The following EPCAM variants were observed in gnomAD, a reference collection of about 807,000 sequenced individuals.
The protein encoded by EPCAM is epithelial cell adhesion molecule, also known as adenocarcinoma-associated antigen.
In EPCAM, 39 loss-of-function variants were observed where a neutral mutation model predicts 40.0. The ratio of observed to expected loss-of-function variants is 0.98; its 90% CI spans 0.76 to 1.27. EPCAM has a LOEUF of 1.27. Ranked by LOEUF, EPCAM falls within the 50% of genes most tolerant of loss-of-function variation. The pLI is 0.00. For synonymous variants in EPCAM, 168 were observed against 132.3 expected (o/e 1.27, Z -1.85); for missense variants, 503 against 381.2 (o/e 1.32, Z -2.66).
chr2:47,381,323 G>C (rs1671582803), intron 7 of EPCAM, among the ~76,000 whole-genome samples: 1 of 149,952 alleles, frequency 6.7e-6, no homozygotes, highest in Non-Finnish European at 1.5e-5. Context: ...TTGAACCCAG[G>C]AGGTGGAGGT....
chr2:47,378,047 A>C (rs1671473498), intron 5 of EPCAM, among the ~76,000 whole-genome samples: 6 of 152,008 alleles, frequency 3.9e-5, no homozygotes, highest in Admixed American at 3.9e-4. Context: ...CGTGGCTAAC[A>C]CAGTGAAACC....
At chr2:47,373,208 A>AT (rs1671322726) in intron 1 of EPCAM, among the ~76,000 whole-genome samples, 9 of 132,548 alleles carry the variant, frequency 6.8e-5, no homozygotes, top group Non-Finnish European at 1.1e-4. Context: ...CTATCTTTAA[A>AT]AAAAAAAAAA....
At chr2:47,370,431 C>T (rs914645204) in intron 1 of EPCAM, among the ~76,000 whole-genome samples, 3 of 151,666 alleles carry the variant, frequency 2.0e-5, no homozygotes, top group African/African-American at 7.3e-5. Flanking sequence ...CGCGCGCCAC[C>T]ACCCCCCGCT....
At chr2:47,369,713 A>T (rs1288813461) in intron 1 of EPCAM, 132 bp downstream of exon 1, 2 of 983,322 alleles carry the variant, frequency 2.0e-6, no homozygotes, top group Non-Finnish European at 3.2e-6. Context: ...TGGAGACCGG[A>T]CGGTGCGGCC....
chr2:47,381,865 T>A (rs1169161402), intron 7 of EPCAM, among the ~76,000 whole-genome samples: 1 of 152,096 alleles, frequency 6.6e-6, no homozygotes, highest in Non-Finnish European at 1.5e-5. Context: ...TTCCTGGACT[T>A]AAGTAATCCT....
At chr2:47,369,890 C>A (rs75517655) in intron 1 of EPCAM, 19,953 of 485,124 alleles carry the variant, frequency 0.041, 790 homozygotes, top group East Asian at 0.15. Flanking sequence ...GGCCACCGAA[C>A]CGGTGCCTCG....
At chr2:47,376,909 T>C in intron 4 of EPCAM, 105 bp from the exon 5 acceptor site, 1 of 739,056 alleles carries the variant, frequency 1.4e-6, no homozygotes, top group African/African-American at 1.8e-5. Flanking sequence ...AATTTTAACT[T>C]TAATGACAGT....
intron 7 of EPCAM, among the ~76,000 whole-genome samples, chr2:47,381,559 T>C (rs1474094252): frequency 6.6e-6 from 1 of 152,174 alleles, no homozygotes; most frequent in Non-Finnish European, 1.5e-5. Context: ...CTGGCCATAT[T>C]GCCCAGCTGT....
intron 1 of EPCAM, 198 bp downstream of exon 1, chr2:47,369,779 G>A (rs1202391253): frequency 2.8e-6 from 2 of 704,730 alleles, no homozygotes. Context: ...GTCCCGGGGA[G>A]CAGCCTCACT....
In EPCAM at chr2:47,386,542, A is replaced by T. The variant is rs200034115; in HGVS notation, c.904-30A>T. 5.2e-4 allele frequency: 807 copies of T among 1,565,840 alleles called. No individual in the cohort carries two copies. Among genetic ancestry groups the T allele is most frequent in the Non-Finnish European group, 6.5e-4 (744 of 1,143,580 alleles). On this transcript the variant is annotated intron_variant, in intron 8 of 8. Transcript: ENST00000263735. ...AACAAAAGATTGAAAAATTATTTAGAATTTTTTTCTGTGCTTTTTCCTGTT... is the reference window on the plus strand; with the variant it reads ...AACAAAAGATTGAAAAATTATTTAGTATTTTTTTCTGTGCTTTTTCCTGTT...
chr2:47,379,385 T>C lies in EPCAM; in HGVS notation c.657+331T>C, dbSNP rs1366971912. ...GTCTGTTAAAAAAGACTGTAACTGA[T>C]ATGATTAAAATATTTTGTTGAAACT... On this transcript the variant is annotated intron_variant, in intron 6 of 8. Transcript: ENST00000263735. Among the ~76,000 whole-genome samples, 4 of 152,346 alleles carry C rather than the reference T, an allele frequency of 2.6e-5. No individual in the cohort carries two copies. The East Asian group carries it at 5.8e-4, about 22-fold the overall frequency.
At chr2:47,378,802 T>C in intron 5 of EPCAM, 151 bp from the exon 6 acceptor site, 1 of 585,332 alleles carries the variant, frequency 1.7e-6, no homozygotes, top group East Asian at 2.9e-5. Flanking sequence ...TGATTAGTGA[T>C]AAACTTAGTT....
chr2:47,373,388 T>G (rs138091465), intron 1 of EPCAM, 75 bp from the exon 2 acceptor site: 1 of 924,744 alleles, frequency 1.1e-6, no homozygotes, highest in South Asian at 1.4e-5. Flanking sequence ...GCATTATTAT[T>G]ACAATATAAC....
In EPCAM at chr2:47,379,916, A is replaced by T. The variant is rs2103759296; in HGVS notation, c.805A>T (p.Ile269Phe). Residue 269 changes from isoleucine (I) to phenylalanine (F), a missense_variant, in exon 7 of 9, where the codon ATT becomes TTT. Physicochemically the swap from Ile to Phe is conservative, Grantham distance 21. Transcript: ENST00000263735. ...AATGCAGGGTCTAAAAGCTGGTGTT[A>T]TTGCTGTTATTGTGGTTGTGGTGAT... ...FSMQGLKAGV[I>F]AVIVVVVIAV... is the part of the protein sequence containing the mutation. 6.2e-7 allele frequency: 1 copy of T among 1,614,070 alleles called. No individual in the cohort carries two copies. The highest frequency in any genetic ancestry group is 8.5e-7 in the Non-Finnish European group (1 of 1,180,002).
chr2:47,373,205 TAAA>T (rs777057814), intron 1 of EPCAM, among the ~76,000 whole-genome samples: 2,528 of 65,140 alleles, frequency 0.039, 127 homozygotes, highest in African/African-American at 0.12. Context: ...ACCCTATCTT[TAAA>T]AAAAAAAAAA....
Position 47,377,083 on chromosome 2 carries a change from A to AT in EPCAM, c.555+12dup. ...AATTTATCACGAGTATTTTGGTATG[A>AT]TTTTTTAATAAGTGAGCTTTAGCAG... On this transcript the variant is annotated splice_region_variant and intron_variant, in intron 5 of 8. Transcript: ENST00000263735. 1.3e-6 allele frequency: 2 copies of AT among 1,578,844 alleles called. No homozygotes were observed. Among genetic ancestry groups the AT allele is most frequent in the Non-Finnish European group, 1.7e-6 (2 of 1,147,860 alleles).
At chr2:47,375,615 C>T (rs113148125) in intron 4 of EPCAM, among the ~76,000 whole-genome samples, 174 of 152,228 alleles carry the variant, frequency 1.1e-3, no homozygotes, top group African/African-American at 3.7e-3. Context: ...ACATCAGGCC[C>T]CTTTACCCCT....
intron 7 of EPCAM, among the ~76,000 whole-genome samples, chr2:47,380,339 T>G (rs1359596617): frequency 3.3e-5 from 5 of 152,008 alleles, no homozygotes; most frequent in African/African-American, 1.2e-4. Context: ...AAAGGAAATA[T>G]GAAAAAGTAA....
Position 47,373,700 on chromosome 2 carries a change from CAT to C in EPCAM, c.185-106_185-105del, listed in dbSNP as rs1671344480. 4.0e-6 allele frequency: 6 copies of C among 1,511,866 alleles called. No homozygotes were observed. The African/African-American group carries it at 4.1e-5, about 10-fold the overall frequency. The allele number at this position is 1,511,866 out of a possible 1,614,324, so 93.7% of individuals were successfully genotyped here. A position where few individuals can be genotyped will look rare whatever the true frequency, so the allele number is the denominator to read the frequency against. On this transcript the variant is annotated intron_variant, in intron 2 of 8. Transcript: ENST00000263735. ...ATGTTACAAAGTAAGTGTGGGAACA[CAT>C]AAATTTCAAATAATCTTTGACCCTG...
Sources: allele counts gnomAD v4.1 joint callset (sites outside exome capture counted in the v4.1 genomes callset), GRCh38; gene constraint gnomAD v4.1.1; transcripts MANE v1.5; gene names NCBI Gene and HGNC (gene_info 2026-07-23, HGNC 2026-07-21).